CPNE8: variants seen among roughly 807,000 people sequenced by gnomAD.
The protein encoded by CPNE8 is copine-8.
In CPNE8, 45 loss-of-function variants were observed where a neutral mutation model predicts 81.5. The observed-to-expected ratio is 0.55, with a 90% confidence interval of 0.44 to 0.71. The LOEUF is 0.71. CPNE8 is among the 30% of genes least tolerant of loss of function. The pLI, the probability that CPNE8 is intolerant of heterozygous loss-of-function variation, is 0.00. For missense variants in CPNE8, 594 were observed against 672.1 expected (o/e 0.88, Z 1.28); for synonymous variants, 252 against 226.3 (o/e 1.11, Z -1.02).
chr12:38,718,952 C>A (rs1344671499), intron 13 of CPNE8, among the ~76,000 whole-genome samples: 2 of 151,946 alleles, frequency 1.3e-5, no homozygotes, highest in African/African-American at 2.4e-5. Flanking sequence ...CAGTGTATTG[C>A]ACATAGTGTG....
chr12:38,668,273 A>T (rs1939102747), intron 19 of CPNE8, among the ~76,000 whole-genome samples: 1 of 152,248 alleles, frequency 6.6e-6, no homozygotes. Context: ...AGATAGAGAA[A>T]TTTTTTTACT....
At chr12:38,657,369 G>A (rs369721127) in intron 19 of CPNE8, among the ~76,000 whole-genome samples, 8 of 152,182 alleles carry the variant, frequency 5.3e-5, no homozygotes, top group African/African-American at 1.9e-4. Context: ...AAACAAAGTG[G>A]CAAGGAAGCT....
At chr12:38,761,009 T>A (rs1941561344) in intron 9 of CPNE8, 121 bp from the exon 10 acceptor site, 1 of 732,732 alleles carries the variant, frequency 1.4e-6, no homozygotes, top group African/African-American at 1.9e-5. Flanking sequence ...AGATTTTACA[T>A]ATGAATTTGA....
rs572778082 is a variant in CPNE8, at chr12:38,885,803, C to T, written c.99-11292G>A. Among the ~76,000 whole-genome samples, 116 of 152,016 alleles carry T rather than the reference C, an allele frequency of 7.6e-4. 1 individual carries two copies. Among genetic ancestry groups the T allele is most frequent in the African/African-American group, 2.2e-3 (92 of 41,448 alleles). On this transcript the variant is annotated intron_variant, in intron 1 of 19. Transcript: ENST00000331366. The stretch of plus-strand genomic sequence containing the variant: ...TGACTGGATCATGGAGGCAGTCCTC[C>T]CCCTTCTGTTCTTGTGATAGTGAGT...
intron 13 of CPNE8, among the ~76,000 whole-genome samples, chr12:38,708,143 A>G (rs1940159816): frequency 6.6e-6 from 1 of 152,210 alleles, no homozygotes; most frequent in Non-Finnish European, 1.5e-5. Context: ...TACTAAATCA[A>G]GTGTCATATT....
chr12:38,712,334 T>C (rs1940280556), intron 13 of CPNE8, among the ~76,000 whole-genome samples: 1 of 151,820 alleles, frequency 6.6e-6, no homozygotes, highest in Non-Finnish European at 1.5e-5. Context: ...CTTAGCCCAC[T>C]GAGTAGCTGG....
chr12:38,843,575 G>A (rs558952815), intron 4 of CPNE8, among the ~76,000 whole-genome samples: 3 of 152,084 alleles, frequency 2.0e-5, no homozygotes, highest in Non-Finnish European at 4.4e-5. Context: ...AGTAAGCTAC[G>A]GGGCCCTGCT....
intron 8 of CPNE8, among the ~76,000 whole-genome samples, chr12:38,766,880 T>C (rs1184389574): frequency 6.6e-6 from 1 of 152,118 alleles, no homozygotes; most frequent in Non-Finnish European, 1.5e-5. Context: ...TTTAATCTGA[T>C]CAACAACCCT....
intron 4 of CPNE8, among the ~76,000 whole-genome samples, chr12:38,843,664 CAT>C (rs752269613): frequency 1.3e-5 from 2 of 152,132 alleles, no homozygotes; most frequent in East Asian, 1.9e-4. Context: ...TGACGAAAAA[CAT>C]AGAATAATGT....
chr12:38,689,678 G>A (rs1004422248), intron 15 of CPNE8, among the ~76,000 whole-genome samples: 3 of 152,174 alleles, frequency 2.0e-5, no homozygotes, highest in Non-Finnish European at 4.4e-5. Context: ...GCCAAAATAA[G>A]TGAAAAGCAT....
chr12:38,816,103 T>C (rs1943020231), intron 6 of CPNE8, among the ~76,000 whole-genome samples: 1 of 152,192 alleles, frequency 6.6e-6, no homozygotes, highest in African/African-American at 2.4e-5. Context: ...GGTACACATG[T>C]AGCAAGGCTA....
intron 19 of CPNE8, among the ~76,000 whole-genome samples, chr12:38,661,928 G>A (rs34072122): frequency 1.7e-4 from 26 of 149,716 alleles, no homozygotes; most frequent in Non-Finnish European, 3.3e-4. Flanking sequence ...CTCGATAGAT[G>A]CAGAAAAAGC....
chr12:38,702,071 C>T (rs1445755447), intron 14 of CPNE8, among the ~76,000 whole-genome samples: 3 of 151,542 alleles, frequency 2.0e-5, no homozygotes, highest in African/African-American at 7.3e-5. Flanking sequence ...TTTTGTAAAA[C>T]GTGAATGATT....
intron 6 of CPNE8, among the ~76,000 whole-genome samples, chr12:38,819,433 A>C (rs1314200322): frequency 6.6e-6 from 1 of 152,022 alleles, no homozygotes; most frequent in African/African-American, 2.4e-5. Flanking sequence ...GCTCCCTTTT[A>C]TTTGCTTTGA....
At chr12:38,832,364 A>G (rs536028614) in intron 5 of CPNE8, among the ~76,000 whole-genome samples, 12 of 152,356 alleles carry the variant, frequency 7.9e-5, no homozygotes, top group Non-Finnish European at 1.6e-4. Context: ...CAGCTCCACC[A>G]GCGCAGGGCA....
At chr12:38,784,642 CA>C (rs946878811) in intron 6 of CPNE8, among the ~76,000 whole-genome samples, 4 of 152,084 alleles carry the variant, frequency 2.6e-5, no homozygotes, top group African/African-American at 9.7e-5. Flanking sequence ...AAGAAACAAA[CA>C]CCACACAAAG....
At chr12:38,665,054 C>G (rs1939035663) in intron 19 of CPNE8, among the ~76,000 whole-genome samples, 1 of 152,126 alleles carries the variant, frequency 6.6e-6, no homozygotes, top group Non-Finnish European at 1.5e-5. Flanking sequence ...AGAAAAAAGA[C>G]AAGTGACTTC....
At chr12:38,667,913 T>C (rs1332907255) in intron 19 of CPNE8, among the ~76,000 whole-genome samples, 2 of 152,128 alleles carry the variant, frequency 1.3e-5, no homozygotes, top group Non-Finnish European at 1.5e-5. Context: ...TTCTCTTGCC[T>C]CCGCCTCCTG....
rs374293030 is a variant in CPNE8, at chr12:38,670,398, C to A, written c.1506+331G>T. ...GTTTATATTCACTTCCAGAGTAATA[C>A]GCTTTACTTAAGTATTTTTCTTAAT... is the stretch of plus-strand genomic sequence containing the variant. On this transcript the variant is annotated intron_variant, in intron 19 of 19. Transcript: ENST00000331366. Among the ~76,000 whole-genome samples, 4 of 152,044 alleles carry A rather than the reference C, an allele frequency of 2.6e-5. No homozygotes were observed. In the East Asian group the frequency reaches 5.8e-4, roughly 22 times the overall value.
Sources: allele counts gnomAD v4.1 joint callset (sites outside exome capture counted in the v4.1 genomes callset), GRCh38; gene constraint gnomAD v4.1.1; transcripts MANE v1.5; gene names NCBI Gene and HGNC (gene_info 2026-07-23, HGNC 2026-07-21).